The following HELZ variants were observed in gnomAD, a reference collection of about 807,000 sequenced individuals.
HELZ encodes ATP-dependent RNA helicase with zinc finger domain.
Under a neutral mutation model 218.2 loss-of-function variants are expected in HELZ, and 23 were observed. That is an observed-to-expected ratio of 0.11 (90% CI 0.08 to 0.15). The LOEUF is 0.15. Among genes scored for constraint, HELZ ranks in the 10% least tolerant of loss-of-function variants. The pLI, the probability that HELZ is intolerant of heterozygous loss-of-function variation, is 1.00. For synonymous variants in HELZ, 814 were observed against 829.4 expected, an observed-to-expected ratio of 0.98 and a Z score of 0.32; for missense variants, 1,813 against 2,353.7, an observed-to-expected ratio of 0.77 and a Z score of 4.75.
intron 30 of HELZ, 80 bp from the exon 31 acceptor site, chr17:67,107,765 T>C: frequency 7.8e-7 from 1 of 1,285,024 alleles, no homozygotes; most frequent in Non-Finnish European, 1.1e-6. Flanking sequence ...TACACATGTA[T>C]TTTCAACAAA....
chr17:67,172,642 C>T (rs1287398371), intron 13 of HELZ, among the ~76,000 whole-genome samples: 6 of 152,142 alleles, frequency 3.9e-5, no homozygotes, highest in African/African-American at 1.4e-4. Context: ...CAGGGTCTCA[C>T]TGTCACCCAG....
intron 32 of HELZ, among the ~76,000 whole-genome samples, 198 bp downstream of exon 32, chr17:67,086,631 A>AATAAATATATATATAT (rs1555594209): frequency 2.1e-5 from 2 of 93,318 alleles, no homozygotes; most frequent in Admixed American, 2.3e-4. Context: ...TATAAATATA[A>AATAAATATATATATAT]ATATATATAT....
chr17:67,180,601 G>A (rs1351742534), intron 12 of HELZ, among the ~76,000 whole-genome samples: 1 of 152,062 alleles, frequency 6.6e-6, no homozygotes, highest in Non-Finnish European at 1.5e-5. Context: ...AAAATTGCGG[G>A]GCACAATGGC....
intron 7 of HELZ, among the ~76,000 whole-genome samples, chr17:67,196,099 G>A (rs1267379394): frequency 2.0e-5 from 3 of 151,970 alleles, no homozygotes; most frequent in Admixed American, 6.6e-5. Context: ...TGATCCGCCC[G>A]CCTCGGCCTC....
chr17:67,217,611 C>G (rs1226333591), intron 4 of HELZ, among the ~76,000 whole-genome samples: 1 of 152,160 alleles, frequency 6.6e-6, no homozygotes, highest in Non-Finnish European at 1.5e-5. Context: ...CTTTGGTCCT[C>G]CCACCTCTCC....
rs142101119 is a variant in HELZ at position 67,118,692 on chromosome 17, C to CAAAAAAA, written c.3838+1706_3838+1712dup. Among the ~76,000 whole-genome samples, 22 of 44,920 alleles carry CAAAAAAA rather than the reference C, an allele frequency of 4.9e-4. 1 individual carries two copies. Among genetic ancestry groups the CAAAAAAA allele is most frequent in the East Asian group, 1.5e-3 (2 of 1,310 alleles). 29.5% of individuals were successfully genotyped at this position (44,920 alleles called of 152,430 possible). ...ACAGCAAGACTCTGTCTTTAAAAGG[C>CAAAAAAA]AAAAAAAAAAAAAAAAAAAAAAAGG... On this transcript the variant is annotated intron_variant, in intron 27 of 32. Coordinates refer to ENST00000358691, the MANE Select transcript of HELZ (RefSeq NM_014877.4).
At position 67,087,078 on chromosome 17, in the gene HELZ, C is replaced by T. The variant is rs1413092468; in HGVS notation, c.5245G>A (p.Glu1749Lys). 1.2e-6 allele frequency: 2 copies of T among 1,613,790 alleles called. No homozygotes were observed. Among genetic ancestry groups the T allele is most frequent in the Non-Finnish European group, 1.7e-6 (2 of 1,179,796 alleles). ...AAGGGCCGACCAGGTCCTCTGGGCT[C>T]ATACTACACAAAGAAAAAGAACATT... The part of the protein sequence containing the change: ...SSSLPSLEEY[E>K]PRGPGRPLYQ... The change falls in exon 32 of 33, where the codon GAG becomes AAG. Residue 1749 changes from glutamate to lysine, a missense_variant. Around this residue, in one of 4 missense-constraint regions of HELZ, gnomAD observed 938 missense variants for 1,027.5 expected, o/e 0.91. Transcript: ENST00000358691.
intron 23 of HELZ, among the ~76,000 whole-genome samples, chr17:67,134,736 T>G (rs943926005): frequency 3.3e-5 from 5 of 152,066 alleles, no homozygotes; most frequent in African/African-American, 1.2e-4. Flanking sequence ...GCTGTCATTA[T>G]CTATATTGTA....
intron 24 of HELZ, among the ~76,000 whole-genome samples, chr17:67,127,557 A>T (rs1206177195): frequency 6.6e-6 from 1 of 152,216 alleles, no homozygotes; most frequent in Non-Finnish European, 1.5e-5. Context: ...ATTAAGATTT[A>T]CATTTTTTGG....
At chr17:67,092,433 G>C (rs1016276847) in intron 31 of HELZ, among the ~76,000 whole-genome samples, 1 of 152,096 alleles carries the variant, frequency 6.6e-6, no homozygotes, top group African/African-American at 2.4e-5. Flanking sequence ...AATTAGGGGG[G>C]TTAAATGAAA....
rs2035971274 is a variant in HELZ at position 67,074,558 on chromosome 17, T to C, written c.*3694A>G. The C allele has an allele frequency of 6.6e-6, 1 of 152,148 alleles. No homozygotes were observed. Among genetic ancestry groups the C allele is most frequent in the Non-Finnish European group, 1.5e-5 (1 of 67,980 alleles). The allele number at this position is 152,148 out of a possible 1,614,324, so 9.4% of individuals were successfully genotyped here. On this transcript the variant is annotated 3_prime_UTR_variant, in exon 33 of 33. Transcript: ENST00000358691. ...GGGGGCTAGAGAAACATCTTTTACGTCTGCAGCTTTGCTCTTGACATGAAA... is the reference window on the plus strand; with the variant it reads ...GGGGGCTAGAGAAACATCTTTTACGCCTGCAGCTTTGCTCTTGACATGAAA...
chr17:67,157,109 T>C (rs1315823482), intron 17 of HELZ, among the ~76,000 whole-genome samples: 1 of 152,204 alleles, frequency 6.6e-6, no homozygotes, highest in Non-Finnish European at 1.5e-5. Context: ...CGATTGTAGC[T>C]TCCTGAGGCC....
chr17:67,106,196 T>G (rs1291667437), intron 31 of HELZ, among the ~76,000 whole-genome samples: 1 of 151,970 alleles, frequency 6.6e-6, no homozygotes, highest in Non-Finnish European at 1.5e-5. Context: ...TTTTGTAGCC[T>G]ACACCACATG....
rs543377960 is a variant in HELZ at position 67,095,412 on chromosome 17, G to C, written c.5242-8331C>G. 2.6e-5 allele frequency among the ~76,000 whole-genome samples: 4 copies of C among 152,232 alleles called. No homozygotes were observed. In the South Asian group the frequency reaches 6.2e-4, roughly 24 times the overall value. The stretch of plus-strand genomic sequence containing the variant: ...AAAACAAAAAAATTAGCCAGGCATG[G>C]TGGTATGTGCCTGTAGCCCCAGATA... On this transcript the variant is annotated intron_variant, in intron 31 of 32. Coordinates refer to ENST00000358691, the MANE Select transcript of HELZ (RefSeq NM_014877.4).
At chr17:67,228,308 G>GA (rs1476090699) in intron 3 of HELZ, among the ~76,000 whole-genome samples, 1 of 152,180 alleles carries the variant, frequency 6.6e-6, no homozygotes, top group Non-Finnish European at 1.5e-5. Flanking sequence ...AGAATTGCTA[G>GA]AAAAAATTGG....
At chr17:67,100,136 A>G (rs2036879413) in intron 31 of HELZ, among the ~76,000 whole-genome samples, 3 of 152,210 alleles carry the variant, frequency 2.0e-5, no homozygotes, top group Admixed American at 2.0e-4. Flanking sequence ...TTCAAGATAC[A>G]TCTGTACAAT....
intron 18 of HELZ, 73 bp downstream of exon 18, chr17:67,150,973 T>C: frequency 7.6e-7 from 1 of 1,314,374 alleles, no homozygotes. Context: ...CCACACACTG[T>C]AGTTTGCCAA....
rs1006890732 is a variant in HELZ at position 67,245,142 on chromosome 17, A to G, written c.-132+6T>C. The G allele has an allele frequency of 5.1e-6, 5 of 984,780 alleles. No individual in the cohort carries two copies. The highest frequency in any genetic ancestry group is 6.0e-6 in the Non-Finnish European group (5 of 829,850). The allele number at this position is 984,780 out of a possible 1,614,324, so 61.0% of individuals were successfully genotyped here. A position where few individuals can be genotyped will look rare whatever the true frequency, so the allele number is the denominator to read the frequency against. On this transcript the variant is annotated splice_donor_region_variant and intron_variant, in intron 1 of 32. Coordinates refer to ENST00000358691, the MANE Select transcript of HELZ (RefSeq NM_014877.4). The stretch of plus-strand genomic sequence containing the variant: ...AGGAGCAGAGAAGGGGGAAGTCAGG[A>G]CTTACCTGTCATTACTTTCTACGCC...
intron 4 of HELZ, among the ~76,000 whole-genome samples, chr17:67,217,010 C>A (rs553299150): frequency 6.6e-6 from 1 of 152,252 alleles, no homozygotes; most frequent in South Asian, 2.1e-4. Context: ...GGTGATTCTA[C>A]GCTGGCTCAA....
Sources: allele counts gnomAD v4.1 joint callset (sites outside exome capture counted in the v4.1 genomes callset), GRCh38; gene constraint gnomAD v4.1.1; regional missense constraint gnomAD v4.1.1; transcripts MANE v1.5; gene names NCBI Gene and HGNC (gene_info 2026-07-23, HGNC 2026-07-21).